The following KLHL29 variants were observed in gnomAD, a reference collection of about 807,000 sequenced individuals.
KLHL29 encodes kelch like family member 29.
In KLHL29, 21 loss-of-function variants were observed where a neutral mutation model predicts 80.4. The observed-to-expected ratio is 0.26, with a 90% CI of 0.19 to 0.38. The LOEUF is 0.38. KLHL29 is among the 10% of genes least tolerant of loss of function. The pLI is 1.00. For synonymous variants in KLHL29, 511 were observed against 526.8 expected (o/e 0.97, Z 0.41); for missense variants, 867 against 1,223.9 (o/e 0.71, Z 4.35).
At chr2:23,541,835 G>C (rs550822198) in intron 2 of KLHL29, among the ~76,000 whole-genome samples, 2 of 151,472 alleles carry the variant, frequency 1.3e-5, no homozygotes, top group African/African-American at 4.9e-5. Flanking sequence ...GTGCCTTCTT[G>C]TGTGAGATGA....
At chr2:23,634,358 A>G (rs1345856663) in intron 3 of KLHL29, among the ~76,000 whole-genome samples, 4 of 147,742 alleles carry the variant, frequency 2.7e-5, no homozygotes, top group African/African-American at 9.8e-5. Flanking sequence ...TGTCAGATGT[A>G]TCTAGGCTGA....
intron 1 of KLHL29, among the ~76,000 whole-genome samples, chr2:23,464,281 C>T (rs1206204556): frequency 6.6e-6 from 1 of 152,094 alleles, no homozygotes; most frequent in East Asian, 1.9e-4. Context: ...CTCTGCAAGC[C>T]CGGAGCCCCC....
intron 5 of KLHL29, among the ~76,000 whole-genome samples, chr2:23,665,937 C>T (rs1477494130): frequency 1.3e-5 from 2 of 152,198 alleles, no homozygotes; most frequent in African/African-American, 4.8e-5. Flanking sequence ...GAACCTTTTC[C>T]AAATATGAGC....
chr2:23,696,596 C>A lies in KLHL29; in HGVS notation c.2105+83C>A. 1 of 1,124,252 alleles carries A rather than the reference C, an allele frequency of 8.9e-7. No individual in the cohort carries two copies. Among genetic ancestry groups the A allele is most frequent in the Non-Finnish European group, 1.3e-6 (1 of 797,644 alleles). The allele number at this position is 1,124,252 out of a possible 1,614,324, so 69.6% of individuals were successfully genotyped here. On this transcript the variant is annotated intron_variant, in intron 11 of 13. Transcript: ENST00000486442. This position sits in a 1 kb window ranked among gnomAD's most constrained non-coding sequence, Gnocchi z 5.5. The stretch of plus-strand genomic sequence containing the variant: ...ACGTCACTCACTGTACCTCCCAACA[C>A]CCACTCAGTGGCGATGGAGCAGAGC...
At chr2:23,582,369 G>GTAT (rs965739690) in intron 3 of KLHL29, among the ~76,000 whole-genome samples, 10 of 152,124 alleles carry the variant, frequency 6.6e-5, no homozygotes, top group Admixed American at 1.3e-4. Flanking sequence ...ACACTCAGAT[G>GTAT]TATTATTATT....
rs139630839 is a variant in KLHL29, at chr2:23,624,264, G to C, written c.286-14875G>C. ...CACCCAGCCCCACATATAAGCTTAGGGTTCCTCTGTGGGACAGGAGGCTTC... is the reference window on the plus strand; with the variant it reads ...CACCCAGCCCCACATATAAGCTTAGCGTTCCTCTGTGGGACAGGAGGCTTC... On this transcript the variant is annotated intron_variant, in intron 3 of 13. Coordinates refer to ENST00000486442, the MANE Select transcript of KLHL29 (RefSeq NM_052920.2). Among the ~76,000 whole-genome samples, 5 of 152,184 alleles carry C rather than the reference G, an allele frequency of 3.3e-5. No individual in the cohort carries two copies. The South Asian group carries it at 8.3e-4, about 25-fold the overall frequency.
chr2:23,424,467 G>A (rs937695807), intron 1 of KLHL29, among the ~76,000 whole-genome samples: 11 of 152,134 alleles, frequency 7.2e-5, no homozygotes, highest in African/African-American at 1.9e-4. Flanking sequence ...AAAGTGGACC[G>A]CTTTGGCTAT....
Position 23,562,412 on chromosome 2 carries a change from C to T in KLHL29, c.216C>T (p.Pro72=). 2 of 1,538,272 alleles carry T rather than the reference C, an allele frequency of 1.3e-6. No homozygotes were observed. Among genetic ancestry groups the T allele is most frequent in the Non-Finnish European group, 1.7e-6 (2 of 1,146,722 alleles). The change falls in exon 3 of 14, where the codon CCC becomes CCT. Residue 72 remains proline (P), a synonymous_variant. Transcript: ENST00000486442. This position sits in a 1 kb window ranked among gnomAD's most constrained non-coding sequence, Gnocchi z 4.5. ...RLPTPATAPA[P]CTTGSSEAIT... ...CCACCCCGGCTACAGCTCCTGCTCC[C>T]TGCACCACCGGCAGCAGCGAGGCCA...
chr2:23,456,555 G>A (rs761274186), intron 1 of KLHL29, among the ~76,000 whole-genome samples: 1 of 152,364 alleles, frequency 6.6e-6, no homozygotes, highest in South Asian at 2.1e-4. Flanking sequence ...TGATGCGTGC[G>A]TCTAGCACCC....
intron 5 of KLHL29, among the ~76,000 whole-genome samples, chr2:23,659,083 G>T (rs566437744): frequency 6.6e-6 from 1 of 152,254 alleles, no homozygotes; most frequent in Non-Finnish European, 1.5e-5. Flanking sequence ...GCTGCTGACC[G>T]ATTTAGCAAC....
chr2:23,705,447 A>G (rs4665634), intron 13 of KLHL29, among the ~76,000 whole-genome samples: 81,677 of 151,518 alleles, frequency 0.54, 22,697 homozygotes, highest in East Asian at 0.79. Flanking sequence ...AGCTGAGATC[A>G]CACCACTGCA....
chr2:23,480,756 G>A (rs1277817063), intron 2 of KLHL29, among the ~76,000 whole-genome samples: 1 of 152,154 alleles, frequency 6.6e-6, no homozygotes, highest in Non-Finnish European at 1.5e-5. Flanking sequence ...TCCAAAAGCT[G>A]GGTACCTTGG....
At chr2:23,424,612 A>G (rs770400075) in intron 1 of KLHL29, among the ~76,000 whole-genome samples, 4 of 152,198 alleles carry the variant, frequency 2.6e-5, no homozygotes, top group African/African-American at 9.7e-5. Context: ...GTGATCATCT[A>G]TCTGATCCAA....
chr2:23,441,028 A>T (rs1199718220), intron 1 of KLHL29, among the ~76,000 whole-genome samples: 1 of 152,158 alleles, frequency 6.6e-6, no homozygotes, highest in Non-Finnish European at 1.5e-5. Context: ...ACACATGCAC[A>T]CGTATGTTTA....
At chr2:23,628,270 C>T (rs528884610) in intron 3 of KLHL29, among the ~76,000 whole-genome samples, 1 of 152,234 alleles carries the variant, frequency 6.6e-6, no homozygotes, top group East Asian at 1.9e-4. Context: ...CAAAGGGAGT[C>T]GCAGATAATG....
At chr2:23,627,786 G>A (rs943199735) in intron 3 of KLHL29, among the ~76,000 whole-genome samples, 12 of 152,146 alleles carry the variant, frequency 7.9e-5, no homozygotes, top group East Asian at 3.9e-4. Context: ...AGTCAGTGTC[G>A]TGAGTCACAC....
chr2:23,488,596 C>G (rs1665000272), intron 2 of KLHL29, among the ~76,000 whole-genome samples: 1 of 152,252 alleles, frequency 6.6e-6, no homozygotes, highest in East Asian at 1.9e-4. Flanking sequence ...TCTATTTTCT[C>G]TATTCTACTT....
chr2:23,551,406 T>C (rs1437903579), intron 2 of KLHL29, among the ~76,000 whole-genome samples: 1 of 152,032 alleles, frequency 6.6e-6, no homozygotes, highest in Non-Finnish European at 1.5e-5. Flanking sequence ...AAGGTGCACA[T>C]GGGAAGGGAG....
chr2:23,561,938 T>G (rs1297340406), intron 2 of KLHL29, among the ~76,000 whole-genome samples: 1 of 152,190 alleles, frequency 6.6e-6, no homozygotes, highest in African/African-American at 2.4e-5. Context: ...CCTGCCTACT[T>G]ACTTTGGCCA....
Sources: gnomAD v4.1 joint callset for allele counts (sites outside exome capture counted in the v4.1 genomes callset) on GRCh38, gnomAD v4.1.1 for gene constraint, Gnocchi (gnomAD v3.1) non-coding constraint, MANE v1.5 for transcripts, NCBI Gene and HGNC (gene_info 2026-07-23, HGNC 2026-07-21) for gene names.